The following CDH20 variants were observed in gnomAD, a reference collection of about 807,000 sequenced individuals.
The protein encoded by CDH20 is cadherin-20.
CDH20 carries 29 observed loss-of-function variants against 74.2 expected under a neutral mutation model. That is an observed-to-expected ratio of 0.39 (90% confidence interval 0.29 to 0.53). CDH20 has a LOEUF of 0.53. CDH20 is among the 20% of genes least tolerant of loss of function. CDH20 has a pLI of 0.69. For missense variants in CDH20, 988 were observed against 1,048.3 expected, an observed-to-expected ratio of 0.94 and a Z score of 0.79; for synonymous variants, 469 against 405.4, an observed-to-expected ratio of 1.16 and a Z score of -1.88.
intron 2 of CDH20, among the ~76,000 whole-genome samples, chr18:61,496,033 TCTCTCCTCCCTTCCTCTCCCCC>T (rs1460817883): frequency 6.0e-5 from 1 of 16,720 alleles, no homozygotes. Context: ...CTCTCCCACC[TCTCTCCTCCCTTCCTCTCCCCC>T]CTCTCTCCTC....
At chr18:61,356,064 A>C (rs1316383166) in intron 1 of CDH20, among the ~76,000 whole-genome samples, 1 of 152,144 alleles carries the variant, frequency 6.6e-6, no homozygotes, top group Non-Finnish European at 1.5e-5. Context: ...GTAAAGAGTG[A>C]TTCCACCCCT....
At chr18:61,450,642 C>T (rs1161947617) in intron 1 of CDH20, among the ~76,000 whole-genome samples, 3 of 151,934 alleles carry the variant, frequency 2.0e-5, no homozygotes, top group South Asian at 2.1e-4. Flanking sequence ...GCCTCTTTAA[C>T]GATTTGTACA....
intron 6 of CDH20, among the ~76,000 whole-genome samples, chr18:61,524,572 A>C (rs1016576564): frequency 1.3e-5 from 2 of 152,228 alleles, no homozygotes; most frequent in African/African-American, 4.8e-5. Flanking sequence ...AAGAATGGAT[A>C]AATCAACTGT....
At chr18:61,526,391 G>C (rs1390722761) in intron 6 of CDH20, among the ~76,000 whole-genome samples, 1 of 152,040 alleles carries the variant, frequency 6.6e-6, no homozygotes, top group Non-Finnish European at 1.5e-5. Flanking sequence ...GAAAAGCCAA[G>C]CAGTTGTTTA....
chr18:61,486,611 CT>C (rs1910771044), intron 1 of CDH20, among the ~76,000 whole-genome samples: 1 of 134,802 alleles, frequency 7.4e-6, no homozygotes. Context: ...TTTCATTGTA[CT>C]ATCTAAGATC....
intron 1 of CDH20, among the ~76,000 whole-genome samples, chr18:61,439,850 G>T (rs919352091): frequency 6.6e-6 from 1 of 152,114 alleles, no homozygotes; most frequent in Non-Finnish European, 1.5e-5. Flanking sequence ...AGGTGAGTTG[G>T]CTAAGGAAAA....
chr18:61,432,810 C>T (rs574623993), intron 1 of CDH20, among the ~76,000 whole-genome samples: 1 of 152,268 alleles, frequency 6.6e-6, no homozygotes, highest in African/African-American at 2.4e-5. Context: ...TTTTACTTTC[C>T]CTTCTTCCTT....
Position 61,490,499 on chromosome 18 carries a change from C to T in CDH20, c.-55C>T. On this transcript the variant is annotated 5_prime_UTR_variant, in exon 2 of 12. Transcript: ENST00000262717. ...TGTATTTTTTTAAATTTGGAAAATA[C>T]TCAAGTTCCAGTTGCTTATCATTCT... 1 of 1,568,856 alleles carries T rather than the reference C, an allele frequency of 6.4e-7. No homozygotes were observed. Among genetic ancestry groups the T allele is most frequent in the Non-Finnish European group, 8.7e-7 (1 of 1,145,196 alleles).
At chr18:61,480,026 T>C (rs1910532581) in intron 1 of CDH20, among the ~76,000 whole-genome samples, 1 of 152,092 alleles carries the variant, frequency 6.6e-6, no homozygotes, top group Non-Finnish European at 1.5e-5. Flanking sequence ...AAGGGTAGAA[T>C]AAAAACATTC....
At chr18:61,460,327 C>T (rs1909724149) in intron 1 of CDH20, among the ~76,000 whole-genome samples, 1 of 152,182 alleles carries the variant, frequency 6.6e-6, no homozygotes, top group Non-Finnish European at 1.5e-5. Flanking sequence ...GAATGAACTC[C>T]TTTGGGTACA....
chr18:61,463,728 T>G (rs1050733953), intron 1 of CDH20, among the ~76,000 whole-genome samples: 7 of 152,064 alleles, frequency 4.6e-5, no homozygotes, highest in Non-Finnish European at 1.0e-4. Context: ...AGAAATCCCA[T>G]CTGAAGGTAG....
At chr18:61,358,676 C>T (rs948010085) in intron 1 of CDH20, among the ~76,000 whole-genome samples, 1 of 152,164 alleles carries the variant, frequency 6.6e-6, no homozygotes, top group Admixed American at 6.5e-5. Context: ...TCACTACACT[C>T]TTACCCATTT....
At chr18:61,390,612 C>T (rs1318539718) in intron 1 of CDH20, among the ~76,000 whole-genome samples, 1 of 152,060 alleles carries the variant, frequency 6.6e-6, no homozygotes, top group Non-Finnish European at 1.5e-5. Context: ...ATTAAAACAG[C>T]GTGAATCTGG....
chr18:61,460,160 T>A (rs913433462), intron 1 of CDH20, among the ~76,000 whole-genome samples: 6 of 152,168 alleles, frequency 3.9e-5, no homozygotes, highest in African/African-American at 1.4e-4. Context: ...GGGAAGCAAG[T>A]TTTGCATAGA....
intron 1 of CDH20, among the ~76,000 whole-genome samples, chr18:61,466,436 G>A (rs1050527399): frequency 1.3e-5 from 2 of 152,152 alleles, no homozygotes; most frequent in African/African-American, 2.4e-5. Flanking sequence ...ATGACATGAT[G>A]TTCTAGTCAC....
chr18:61,538,347 G>A (rs987968322), intron 8 of CDH20, among the ~76,000 whole-genome samples: 58 of 152,122 alleles, frequency 3.8e-4, no homozygotes, highest in African/African-American at 1.3e-3. Flanking sequence ...AGCCAAATGG[G>A]AGACTGAAAA....
chr18:61,385,026 G>A (rs1911547675), intron 1 of CDH20, among the ~76,000 whole-genome samples: 1 of 152,052 alleles, frequency 6.6e-6, no homozygotes, highest in Non-Finnish European at 1.5e-5. Flanking sequence ...CTATCAAGAA[G>A]ATAACATCAC....
At chr18:61,549,836 A>C (rs1016915206) in intron 10 of CDH20, 142 bp from the exon 11 acceptor site, 1 of 864,468 alleles carries the variant, frequency 1.2e-6, no homozygotes, top group Non-Finnish European at 1.8e-6. Flanking sequence ...ATCCAGGCAA[A>C]CCCGCCATGG....
intron 1 of CDH20, among the ~76,000 whole-genome samples, chr18:61,428,454 AGT>A (rs1913146147): frequency 6.6e-6 from 1 of 152,176 alleles, no homozygotes; most frequent in African/African-American, 2.4e-5. Flanking sequence ...CGGCTCCTGC[AGT>A]GCAAAAGCGG....
Sources: gnomAD v4.1 joint callset for allele counts (sites outside exome capture counted in the v4.1 genomes callset) on GRCh38, gnomAD v4.1.1 for gene constraint, MANE v1.5 for transcripts, NCBI Gene and HGNC (gene_info 2026-07-23, HGNC 2026-07-21) for gene names.